PACSIN2: variants seen among roughly 807,000 people sequenced by gnomAD.
The protein encoded by PACSIN2 is protein kinase C and casein kinase substrate in neurons protein 2.
PACSIN2 carries 25 observed loss-of-function variants against 63.8 expected under a neutral mutation model. The ratio of observed to expected loss-of-function variants is 0.39; its 90% CI spans 0.29 to 0.55. The LOEUF (loss-of-function observed/expected upper bound fraction) is 0.55, where lower values mean the gene tolerates loss of function less well. Ranked by LOEUF, PACSIN2 falls within the 20% of genes least tolerant of loss-of-function variation. The probability of loss-of-function intolerance (pLI) is 0.62; values close to 1 mark genes in which losing one functional copy is unlikely to be tolerated. For missense variants in PACSIN2, 518 were observed against 646.9 expected, an observed-to-expected ratio of 0.80 and a Z score of 2.16; for synonymous variants, 255 against 256.2, an observed-to-expected ratio of 1.00 and a Z score of 0.05.
At chr22:42,934,614 T>A (rs1244936575) in intron 1 of PACSIN2, among the ~76,000 whole-genome samples, 4 of 152,226 alleles carry the variant, frequency 2.6e-5, no homozygotes, top group Non-Finnish European at 4.4e-5. Flanking sequence ...AACTCCCACC[T>A]ACCTTGCAAG....
At chr22:42,882,018 ACT>A in intron 7 of PACSIN2, among the ~76,000 whole-genome samples, 164 bp downstream of exon 7, 1 of 152,304 alleles carries the variant, frequency 6.6e-6, no homozygotes, top group Non-Finnish European at 1.5e-5. Context: ...GCCCCCCAGG[ACT>A]CTATGCCAGA....
At chr22:43,000,650 A>G (rs1352081092) in intron 1 of PACSIN2, among the ~76,000 whole-genome samples, 1 of 152,244 alleles carries the variant, frequency 6.6e-6, no homozygotes, top group African/African-American at 2.4e-5. Flanking sequence ...TGTCTGAGCT[A>G]TAAGGGGAGG....
intron 1 of PACSIN2, among the ~76,000 whole-genome samples, chr22:42,940,044 G>A (rs1046466841): frequency 4.6e-5 from 7 of 152,096 alleles, no homozygotes; most frequent in Admixed American, 6.5e-5. Context: ...TTATTCCCCC[G>A]GCCCCCTGCA....
intron 1 of PACSIN2, among the ~76,000 whole-genome samples, chr22:42,952,594 T>TG (rs1933744521): frequency 6.6e-6 from 1 of 151,920 alleles, no homozygotes; most frequent in Non-Finnish European, 1.5e-5. Flanking sequence ...CCTGACCTCG[T>TG]GATCCGCCCA....
At chr22:42,968,029 G>A (rs528450201) in intron 1 of PACSIN2, among the ~76,000 whole-genome samples, 34 of 152,272 alleles carry the variant, frequency 2.2e-4, no homozygotes, top group African/African-American at 7.9e-4. Context: ...ACCTTGCAAG[G>A]TGGGAGTACT....
intron 1 of PACSIN2, among the ~76,000 whole-genome samples, chr22:42,982,898 A>AAAAAAAAAG (rs1922321325): frequency 6.7e-6 from 1 of 148,956 alleles, no homozygotes; most frequent in African/African-American, 2.5e-5. Flanking sequence ...AAACAACAAC[A>AAAAAAAAAG]AGGCTAGGAG....
At chr22:43,013,933 C>T (rs1480103163) in intron 1 of PACSIN2, among the ~76,000 whole-genome samples, 12 of 152,172 alleles carry the variant, frequency 7.9e-5, no homozygotes, top group Non-Finnish European at 2.9e-5. Flanking sequence ...CAAAGGCCAC[C>T]TTCCCTCAGG....
intron 1 of PACSIN2, among the ~76,000 whole-genome samples, chr22:42,977,475 G>A (rs189254426): frequency 6.6e-6 from 1 of 152,182 alleles, no homozygotes; most frequent in Non-Finnish European, 1.5e-5. Context: ...GTGCTCCATA[G>A]AAACAGAATG....
rs565707190 is a variant in PACSIN2, at chr22:43,007,530, A to G, written c.-78+7491T>C. On this transcript the variant is annotated intron_variant, in intron 1 of 10. Coordinates refer to ENST00000263246, the MANE Select transcript of PACSIN2 (RefSeq NM_001184970.3). ...CTCTCCCAGCCACTCCTTGTTCTTC[A>G]GAGCTCTGTAGCTCTGCCCAGAATG... Among the ~76,000 whole-genome samples, 12 of 152,258 alleles carry G rather than the reference A, an allele frequency of 7.9e-5. 1 individual carries two copies. The South Asian group carries it at 2.5e-3, about 32-fold the overall frequency.
At chr22:42,980,072 T>C (rs1921975374) in intron 1 of PACSIN2, among the ~76,000 whole-genome samples, 2 of 148,698 alleles carry the variant, frequency 1.3e-5, no homozygotes, top group Non-Finnish European at 3.0e-5. Context: ...AGTTGTTAAT[T>C]AAAAAAAAAA....
intron 6 of PACSIN2, among the ~76,000 whole-genome samples, chr22:42,883,955 T>A (rs562579352): frequency 5.3e-5 from 8 of 151,182 alleles, no homozygotes; most frequent in Non-Finnish European, 8.8e-5. Flanking sequence ...TGCAGTGAAC[T>A]GAGATCACGC....
intron 1 of PACSIN2, among the ~76,000 whole-genome samples, chr22:42,999,590 C>T (rs1045294918): frequency 6.6e-6 from 1 of 152,208 alleles, no homozygotes; most frequent in Non-Finnish European, 1.5e-5. Flanking sequence ...ATCGCTTGAA[C>T]CCGGGACGCG....
chr22:42,919,789 AAAAAAAAAG>A (rs1223743714), intron 1 of PACSIN2, among the ~76,000 whole-genome samples: 18 of 142,092 alleles, frequency 1.3e-4, no homozygotes, highest in Non-Finnish European at 2.1e-4. Flanking sequence ...AAAAAAAAAA[AAAAAAAAAG>A]AAAGAAAGAA....
chr22:42,947,851 T>C (rs1218578627), intron 1 of PACSIN2, among the ~76,000 whole-genome samples: 5 of 152,224 alleles, frequency 3.3e-5, no homozygotes, highest in African/African-American at 4.8e-5. Context: ...TCCACAAGCA[T>C]TGGCCAGGGA....
intron 1 of PACSIN2, among the ~76,000 whole-genome samples, chr22:42,983,226 A>G (rs1320496037): frequency 6.6e-6 from 1 of 151,746 alleles, no homozygotes; most frequent in Admixed American, 6.6e-5. Context: ...CTGAGGCAAG[A>G]GAACTGCTCA....
intron 1 of PACSIN2, among the ~76,000 whole-genome samples, chr22:42,924,858 G>A (rs112931214): frequency 0.023 from 3,518 of 151,110 alleles, 123 homozygotes; most frequent in African/African-American, 0.08. Flanking sequence ...CCGGGTACAC[G>A]CCATTCTCCT....
intron 1 of PACSIN2, among the ~76,000 whole-genome samples, chr22:42,987,271 G>C (rs113819904): frequency 0.017 from 2,589 of 151,940 alleles, 83 homozygotes; most frequent in African/African-American, 0.059. Flanking sequence ...CACTAACCTT[G>C]GGTACCCCAA....
intron 3 of PACSIN2, among the ~76,000 whole-genome samples, chr22:42,891,671 G>A (rs1929925795): frequency 6.6e-6 from 1 of 152,210 alleles, no homozygotes; most frequent in African/African-American, 2.4e-5. Context: ...CTCCCAAAGT[G>A]CAGGGATTAC....
At chr22:42,899,819 A>G (rs1346950512) in intron 2 of PACSIN2, among the ~76,000 whole-genome samples, 2 of 152,232 alleles carry the variant, frequency 1.3e-5, no homozygotes, top group African/African-American at 4.8e-5. Flanking sequence ...ACGCCGACAC[A>G]CTGACCCAGA....
Sources: allele counts gnomAD v4.1 joint callset (sites outside exome capture counted in the v4.1 genomes callset), GRCh38; gene constraint gnomAD v4.1.1; transcripts MANE v1.5; gene names NCBI Gene and HGNC (gene_info 2026-07-23, HGNC 2026-07-21).